PTGER3: variants seen among roughly 807,000 people sequenced by gnomAD.
PTGER3 encodes the protein prostaglandin E receptor 3, also known as prostaglandin E2 receptor EP3 subtype.
A neutral mutation model predicts 34.7 loss-of-function variants in PTGER3; 22 were observed. That is an observed-to-expected ratio of 0.63 (90% CI 0.45 to 0.91). The LOEUF (loss-of-function observed/expected upper bound fraction) is 0.91. Ranked by LOEUF, PTGER3 falls within the 40% of genes least tolerant of loss-of-function variation. PTGER3 has a pLI of 0.00. For synonymous variants in PTGER3, 241 were observed against 230.1 expected, an observed-to-expected ratio of 1.05 and a Z score of -0.43; for missense variants, 468 against 519.4, an observed-to-expected ratio of 0.90 and a Z score of 0.96.
intron 2 of PTGER3, among the ~76,000 whole-genome samples, chr1:70,961,720 T>C (rs539827032): frequency 6.6e-6 from 1 of 152,346 alleles, no homozygotes; most frequent in South Asian, 2.1e-4. Flanking sequence ...AAGCACTTTC[T>C]CTTTATTTGG....
intron 2 of PTGER3, chr1:71,011,294 A>G (rs1244106820): frequency 1.0e-6 from 1 of 984,992 alleles, no homozygotes; most frequent in Non-Finnish European, 1.2e-6. Flanking sequence ...ATAGGCCAAA[A>G]TATGGAAAGT....
intron 3 of PTGER3, among the ~76,000 whole-genome samples, chr1:70,953,494 C>T (rs990965810): frequency 1.3e-5 from 2 of 152,128 alleles, no homozygotes; most frequent in South Asian, 2.1e-4. Context: ...GCTGCCAAGT[C>T]CCCACAGCTG....
At chr1:70,994,624 A>G (rs1655769932) in intron 2 of PTGER3, among the ~76,000 whole-genome samples, 1 of 151,778 alleles carries the variant, frequency 6.6e-6, no homozygotes, top group Admixed American at 6.6e-5. Context: ...CGCCCGGCTA[A>G]TTTTTGTATT....
chr1:70,926,138 A>G (rs963803898), intron 4 of PTGER3, among the ~76,000 whole-genome samples: 1 of 152,208 alleles, frequency 6.6e-6, no homozygotes, highest in Non-Finnish European at 1.5e-5. Flanking sequence ...CTGACCCAAC[A>G]TAGTGGTTGT....
intron 4 of PTGER3, among the ~76,000 whole-genome samples, chr1:70,939,225 A>G (rs1649532419): frequency 6.6e-6 from 1 of 152,216 alleles, no homozygotes; most frequent in Non-Finnish European, 1.5e-5. Flanking sequence ...TCCATGTCCC[A>G]CATCCAGGTC....
At chr1:70,995,570 C>G (rs1655863674) in intron 2 of PTGER3, among the ~76,000 whole-genome samples, 1 of 152,002 alleles carries the variant, frequency 6.6e-6, no homozygotes, top group Non-Finnish European at 1.5e-5. Flanking sequence ...CTTAGTCTTT[C>G]TTTAAAAAAA....
At chr1:70,856,572 A>G (rs755030723) in intron 4 of PTGER3, among the ~76,000 whole-genome samples, 1 of 152,212 alleles carries the variant, frequency 6.6e-6, no homozygotes, top group Non-Finnish European at 1.5e-5. Context: ...ATTACTGAAG[A>G]AATTTGCTCT....
At chr1:70,953,206 T>C in intron 3 of PTGER3, 1 of 710,878 alleles carries the variant, frequency 1.4e-6, no homozygotes, top group South Asian at 3.3e-5. Flanking sequence ...AATCCAGAGA[T>C]TATTTAAAAT....
intron 2 of PTGER3, among the ~76,000 whole-genome samples, chr1:70,987,208 G>C (rs901792622): frequency 6.6e-6 from 1 of 152,078 alleles, no homozygotes; most frequent in Non-Finnish European, 1.5e-5. Context: ...GTATTATAAA[G>C]GTGACCAGGA....
In PTGER3 at chr1:71,032,190, G is replaced by A. The variant is rs116517505; in HGVS notation, c.897+14491C>T. Among the ~76,000 whole-genome samples the A allele has an allele frequency of 7.1e-3, 1,077 of 152,248 alleles. 17 individuals are homozygous for A. The highest frequency in any genetic ancestry group is 0.025 in the African/African-American group (1,037 of 41,558). On this transcript the variant is annotated intron_variant, in intron 1 of 3. Coordinates refer to ENST00000306666, the MANE Select transcript of PTGER3 (RefSeq NM_198719.2). Reference sequence around the variant, plus strand: ...TTTCTTCTCTAGTCATCTCACTATGGTGTTAATGGAGTATTCGTGAGATTT... The same window carrying A: ...TTTCTTCTCTAGTCATCTCACTATGATGTTAATGGAGTATTCGTGAGATTT...
intron 4 of PTGER3, among the ~76,000 whole-genome samples, chr1:70,865,273 G>A (rs1449823801): frequency 1.3e-5 from 2 of 152,052 alleles, no homozygotes; most frequent in African/African-American, 2.4e-5. Context: ...AAGCAGTAGG[G>A]GTGTGGTGAA....
chr1:70,939,849 C>G (rs1342695156), intron 4 of PTGER3, among the ~76,000 whole-genome samples: 2 of 152,196 alleles, frequency 1.3e-5, no homozygotes, highest in African/African-American at 4.8e-5. Flanking sequence ...CCATGAAGAT[C>G]TCTCACATAG....
intron 4 of PTGER3, among the ~76,000 whole-genome samples, chr1:70,908,875 C>A (rs1647004469): frequency 6.6e-6 from 1 of 152,148 alleles, no homozygotes; most frequent in African/African-American, 2.4e-5. Context: ...TCAGAAAGCC[C>A]TATGCAATTA....
intron 2 of PTGER3, chr1:71,006,067 C>G (rs11209733): frequency 0.37 from 266,995 of 715,202 alleles, 51,832 homozygotes; most frequent in South Asian, 0.43. Flanking sequence ...TTAGCATTAA[C>G]TGTAGTCATC....
intron 4 of PTGER3, among the ~76,000 whole-genome samples, chr1:70,936,555 G>C (rs761454718): frequency 1.3e-5 from 2 of 152,282 alleles, no homozygotes; most frequent in Non-Finnish European, 2.9e-5. Context: ...GGGAAGATCA[G>C]ACTGAGGATC....
chr1:70,917,623 G>A (rs79369763), intron 4 of PTGER3, among the ~76,000 whole-genome samples: 1,619 of 151,516 alleles, frequency 0.011, 24 homozygotes, highest in Non-Finnish European at 0.014. Flanking sequence ...TTTTTTTGAG[G>A]AACCCCCAAA....
rs188816173 is a variant in PTGER3 at position 70,979,911 on chromosome 1, T to A, written c.1078-5523A>T. 1.8e-3 allele frequency among the ~76,000 whole-genome samples: 279 copies of A among 152,290 alleles called. 4 individuals carry two copies. The highest frequency in any genetic ancestry group is 6.3e-3 in the African/African-American group (261 of 41,548). On this transcript the variant is annotated intron_variant, in intron 2 of 3. Transcript: ENST00000306666. ...TCATCTTTTAAGGGGGTTCTGTGTT[T>A]TTCTCTTTCTACAACATCAAAATAT...
In PTGER3 at chr1:71,047,682, T is replaced by C. The variant is rs1660990863; in HGVS notation, c.-105A>G. 4.5e-6 allele frequency: 6 copies of C among 1,327,556 alleles called. No individual in the cohort carries two copies. The Admixed American group carries it at 9.3e-5, about 21-fold the overall frequency. The allele number at this position is 1,327,556 out of a possible 1,614,324, so 82.2% of individuals were successfully genotyped here. Reference sequence around the variant, plus strand: ...GGTCGGCGTTTACCGCGGCTGGGGCTGGGCTGCCCCCCATGGTGCGGGGCG... The same window carrying C: ...GGTCGGCGTTTACCGCGGCTGGGGCCGGGCTGCCCCCCATGGTGCGGGGCG... On this transcript the variant is annotated 5_prime_UTR_variant, in exon 1 of 4. Transcript: ENST00000306666.
Position 70,974,396 on chromosome 1 carries a change from C to T in PTGER3, c.1078-8G>A, listed in dbSNP as rs765060664. The T allele has an allele frequency of 2.6e-5, 24 of 939,452 alleles. No individual in the cohort carries two copies. Among genetic ancestry groups the T allele is most frequent in the Non-Finnish European group, 4.3e-5 (24 of 564,182 alleles). The allele number at this position is 939,452 out of a possible 1,614,324, so 58.2% of individuals were successfully genotyped here. The stretch of plus-strand genomic sequence containing the variant: ...GTTTGTGTGGTACCTGATCTGTGAA[C>T]AGACAGAGGATTTCACAGGACACTT... On this transcript the variant is annotated splice_polypyrimidine_tract_variant and splice_region_variant and intron_variant, in intron 2 of 3. Transcript: ENST00000306666.
Sources: allele counts gnomAD v4.1 joint callset (sites outside exome capture counted in the v4.1 genomes callset), GRCh38; gene constraint gnomAD v4.1.1; transcripts MANE v1.5; gene names NCBI Gene and HGNC (gene_info 2026-07-23, HGNC 2026-07-21).